Variants in GRM8 observed in about 807,000 individuals in gnomAD.
GRM8 encodes the protein metabotropic glutamate receptor 8.
A neutral mutation model predicts 87.2 loss-of-function variants in GRM8; 47 were observed. That is an observed-to-expected ratio of 0.54 (90% confidence interval 0.43 to 0.69). The LOEUF is 0.69. Ranked by LOEUF, GRM8 falls within the 30% of genes least tolerant of loss-of-function variation. The pLI, the probability that GRM8 is intolerant of heterozygous loss-of-function variation, is 0.00. For synonymous variants in GRM8, 396 were observed against 404.5 expected (o/e 0.98, Z 0.25); for missense variants, 1,019 against 1,139.2 (o/e 0.89, Z 1.52).
intron 2 of GRM8, among the ~76,000 whole-genome samples, chr7:127,214,049 A>G (rs2116652713): frequency 6.6e-6 from 1 of 152,380 alleles, no homozygotes; most frequent in South Asian, 2.1e-4. Context: ...AAGTTCTTTT[A>G]TCCTTTTTCA....
At chr7:126,702,526 T>C (rs186438557) in intron 7 of GRM8, among the ~76,000 whole-genome samples, 73 of 152,312 alleles carry the variant, frequency 4.8e-4, no homozygotes, top group Non-Finnish European at 7.8e-4. Context: ...TCTACTTCAC[T>C]GGCACAGAAG....
chr7:127,151,801 C>T (rs1204916125), intron 2 of GRM8, among the ~76,000 whole-genome samples: 1 of 151,984 alleles, frequency 6.6e-6, no homozygotes, highest in Non-Finnish European at 1.5e-5. Flanking sequence ...TATTATGTGC[C>T]TTGAGAGCTT....
rs146687647 is a variant in GRM8, at chr7:127,000,811, T to G, written c.728-96128A>C. ...GACACGACGATGCAAATGTAATTAA[T>G]GCCACTGAATTGAATACTTAAAGAT... On this transcript the variant is annotated intron_variant, in intron 3 of 10. Coordinates refer to ENST00000339582, the MANE Select transcript of GRM8 (RefSeq NM_000845.3). 2.7e-3 allele frequency among the ~76,000 whole-genome samples: 411 copies of G among 151,782 alleles called. 1 individual carries two copies. Among genetic ancestry groups the G allele is most frequent in the African/African-American group, 9.6e-3 (397 of 41,516 alleles).
chr7:126,872,805 T>C (rs967352595), intron 6 of GRM8, among the ~76,000 whole-genome samples: 4 of 152,064 alleles, frequency 2.6e-5, no homozygotes, highest in Non-Finnish European at 5.9e-5. Flanking sequence ...GGGCAGCATT[T>C]CATCATCGAA....
chr7:127,079,401 C>T (rs1322520525), intron 3 of GRM8, among the ~76,000 whole-genome samples: 1 of 152,152 alleles, frequency 6.6e-6, no homozygotes, highest in Non-Finnish European at 1.5e-5. Flanking sequence ...GGATTACAGG[C>T]GTGAGCCACC....
intron 3 of GRM8, among the ~76,000 whole-genome samples, chr7:126,988,283 A>G (rs188464602): frequency 6.6e-6 from 1 of 152,364 alleles, no homozygotes; most frequent in Non-Finnish European, 1.5e-5. Flanking sequence ...GAGGATTTAG[A>G]TATACCATGA....
intron 6 of GRM8, among the ~76,000 whole-genome samples, chr7:126,901,696 T>C (rs79014520): frequency 6.6e-6 from 1 of 152,204 alleles, no homozygotes; most frequent in Non-Finnish European, 1.5e-5. Flanking sequence ...GAAGAAGGAA[T>C]GAATCATTTC....
intron 3 of GRM8, among the ~76,000 whole-genome samples, chr7:127,069,483 T>A (rs1024841896): frequency 1.3e-4 from 19 of 150,478 alleles, no homozygotes; most frequent in South Asian, 4.2e-4. Flanking sequence ...TATTTTAATT[T>A]AAAAAAAAAA....
At chr7:126,864,779 T>C (rs1017533392) in intron 6 of GRM8, among the ~76,000 whole-genome samples, 2 of 152,202 alleles carry the variant, frequency 1.3e-5, no homozygotes, top group African/African-American at 4.8e-5. Flanking sequence ...TTATTTTGTT[T>C]TGGCAGTTGT....
In GRM8 at chr7:127,134,253, T is replaced by C. The variant is rs1827840345; in HGVS notation, c.511-27541A>G. ...AATCAAGAACTTGTTGCTAAGTACA[T>C]TTGTGCTCAGAAAGTTTCCTTCGTT... On this transcript the variant is annotated intron_variant, in intron 2 of 10. Coordinates refer to ENST00000339582, the MANE Select transcript of GRM8 (RefSeq NM_000845.3). Among the ~76,000 whole-genome samples the C allele has an allele frequency of 2.0e-5, 3 of 152,244 alleles. No homozygotes were observed. In the South Asian group the frequency reaches 6.2e-4, roughly 31 times the overall value.
chr7:126,650,172 C>A (rs1803648751), intron 7 of GRM8, among the ~76,000 whole-genome samples: 1 of 152,206 alleles, frequency 6.6e-6, no homozygotes, highest in African/African-American at 2.4e-5. Flanking sequence ...GTCATGTCCA[C>A]AGCATTCCAT....
At chr7:127,091,653 A>C (rs1034661278) in intron 3 of GRM8, among the ~76,000 whole-genome samples, 24 of 22,388 alleles carry the variant, frequency 1.1e-3, no homozygotes, top group Admixed American at 3.7e-3. Flanking sequence ...CTTATGACCC[A>C]CCCCACCATC....
At chr7:126,708,523 A>G (rs1258469865) in intron 7 of GRM8, among the ~76,000 whole-genome samples, 1 of 150,612 alleles carries the variant, frequency 6.6e-6, no homozygotes, top group Non-Finnish European at 1.5e-5. Flanking sequence ...TGATATGTAT[A>G]TATCTATATA....
At chr7:126,586,553 C>G (rs1562980419) in intron 8 of GRM8, among the ~76,000 whole-genome samples, 1 of 152,156 alleles carries the variant, frequency 6.6e-6, no homozygotes, top group Non-Finnish European at 1.5e-5. Flanking sequence ...TGATCTTTGA[C>G]AAACCTGACA....
chr7:126,546,467 A>C (rs1382857086), intron 8 of GRM8, among the ~76,000 whole-genome samples: 1 of 152,178 alleles, frequency 6.6e-6, no homozygotes, highest in African/African-American at 2.4e-5. Context: ...GGAGACAGTG[A>C]AGTCAGCATA....
intron 3 of GRM8, among the ~76,000 whole-genome samples, chr7:126,962,268 G>A (rs1309258566): frequency 6.6e-6 from 1 of 152,152 alleles, no homozygotes; most frequent in East Asian, 1.9e-4. Context: ...AAGTGACTTG[G>A]CCAAAGTCAA....
At chr7:126,447,902 GAGATTTACTACAAAGTTTACA>G in intron 9 of GRM8, among the ~76,000 whole-genome samples, 1 of 152,008 alleles carries the variant, frequency 6.6e-6, no homozygotes, top group Admixed American at 6.6e-5. Context: ...ATGCTTTAAC[GAGATTTACTACAAAGTTTACA>G]AGATTTACTA....
At chr7:127,028,257 G>A (rs17864099) in intron 3 of GRM8, among the ~76,000 whole-genome samples, 63,810 of 151,986 alleles carry the variant, frequency 0.42, 15,636 homozygotes, top group African/African-American at 0.68. Flanking sequence ...AAGGATTTTC[G>A]CATTGATGTT....
intron 8 of GRM8, among the ~76,000 whole-genome samples, chr7:126,558,946 T>C (rs58153158): frequency 0.31 from 46,645 of 151,916 alleles, 8,063 homozygotes; most frequent in East Asian, 0.44. Context: ...AGAATCAAGC[T>C]AGGTGGAGCA....
Sources: gnomAD v4.1 joint callset for allele counts (sites outside exome capture counted in the v4.1 genomes callset) on GRCh38, gnomAD v4.1.1 for gene constraint, MANE v1.5 for transcripts, NCBI Gene and HGNC (gene_info 2026-07-23, HGNC 2026-07-21) for gene names.